Variants in ZNF680 observed in about 807,000 individuals in gnomAD.
The protein encoded by ZNF680 is hypothetical protein FLJ90430.
A neutral mutation model predicts 12.1 loss-of-function variants in ZNF680; 6 were observed. The observed-to-expected ratio is 0.49, with a 90% confidence interval of 0.27 to 0.98. The LOEUF is 0.98. Among genes scored for constraint, ZNF680 ranks in the 50% least tolerant of loss-of-function variants. The pLI is 0.12. For missense variants in ZNF680, 561 were observed against 616.3 expected (o/e 0.91, Z 0.95); for synonymous variants, 170 against 199.3 (o/e 0.85, Z 1.24).
the ZNF680 span, among the ~76,000 whole-genome samples, chr7:64,499,930 G>C: frequency 6.6e-6 from 1 of 152,164 alleles, no homozygotes; most frequent in East Asian, 1.9e-4. Flanking sequence ...CTGGGGGGCT[G>C]TGCCTGCAGC....
rs145006588 is a variant in ZNF680 at position 64,520,859 on chromosome 7, A to G, written c.*302T>C. The G allele has an allele frequency of 2.1e-4, 47 of 227,438 alleles. No homozygotes were observed. In the East Asian group the frequency reaches 4.7e-3, roughly 23 times the overall value. The allele number at this position is 227,438 out of a possible 1,614,324, so 14.1% of individuals were successfully genotyped here. On this transcript the variant is annotated 3_prime_UTR_variant, in exon 4 of 4. Transcript: ENST00000309683. ...GTTTTCTGAAATTTCTTTTGACAGT[A>G]ATTGCATTTATAATGCTTTTAATAA...
chr7:64,521,083 T>C lies in ZNF680; in HGVS notation c.*78A>G. The C allele has an allele frequency of 7.1e-7, 1 of 1,410,454 alleles. No homozygotes were observed. Among genetic ancestry groups the C allele is most frequent in the Non-Finnish European group, 9.6e-7 (1 of 1,040,430 alleles). 87.4% of individuals were successfully genotyped at this position (1,410,454 alleles called of 1,614,324 possible). On this transcript the variant is annotated 3_prime_UTR_variant, in exon 4 of 4. Coordinates refer to ENST00000309683, the MANE Select transcript of ZNF680 (RefSeq NM_178558.5). ...TCTTACCTACAAGCAAGTGTAACAA[T>C]CATTGGAAGGCTTTGTCAAATTCTT...
chr7:64,501,795 AT>A, the ZNF680 span: 1 of 684,160 alleles, frequency 1.5e-6, no homozygotes, highest in Non-Finnish European at 2.7e-6. Flanking sequence ...CTAAGATCAA[AT>A]TTTTTACCAG....
chr7:64,537,921 C>T (rs1786262613), intron 3 of ZNF680, among the ~76,000 whole-genome samples: 1 of 151,836 alleles, frequency 6.6e-6, no homozygotes, highest in Non-Finnish European at 1.5e-5. Flanking sequence ...CACAGCAAGA[C>T]TCCATCTCCA....
At chr7:64,544,074 T>C in intron 2 of ZNF680, 1 of 630,892 alleles carries the variant, frequency 1.6e-6, no homozygotes, top group Non-Finnish European at 2.5e-6. Context: ...TTTCTGTAAT[T>C]ACCACTAATC....
At chr7:64,532,739 T>G (rs1785954674) in intron 3 of ZNF680, among the ~76,000 whole-genome samples, 1 of 152,154 alleles carries the variant, frequency 6.6e-6, no homozygotes, top group Non-Finnish European at 1.5e-5. Flanking sequence ...AACTACAGAC[T>G]TATATCCCTG....
chr7:64,545,426 A>G (rs940378882), intron 1 of ZNF680, among the ~76,000 whole-genome samples: 1 of 152,314 alleles, frequency 6.6e-6, no homozygotes. Context: ...CATCAGCTGC[A>G]TAAAGATACT....
the ZNF680 span, chr7:64,501,811 T>A: frequency 1.6e-6 from 1 of 636,096 alleles, no homozygotes; most frequent in Non-Finnish European, 3.0e-6. Flanking sequence ...TACCAGATCT[T>A]CTTCTCTAGT....
the ZNF680 span, among the ~76,000 whole-genome samples, chr7:64,508,822 C>T: frequency 6.6e-6 from 1 of 152,174 alleles, no homozygotes; most frequent in South Asian, 2.1e-4. Context: ...TATACAATGT[C>T]GTGGATGTTT....
intron 1 of ZNF680, among the ~76,000 whole-genome samples, chr7:64,559,321 T>A (rs564986237): frequency 1.2e-4 from 18 of 152,270 alleles, no homozygotes; most frequent in African/African-American, 4.3e-4. Flanking sequence ...AGTTGGCAAC[T>A]TCTAGGAAAG....
At chr7:64,526,494 C>T in intron 3 of ZNF680, 1 of 968,714 alleles carries the variant, frequency 1.0e-6, no homozygotes, top group Non-Finnish European at 1.5e-6. Context: ...AGTTCAAGAT[C>T]AGCCTGAGCA....
intron 1 of ZNF680, among the ~76,000 whole-genome samples, chr7:64,558,731 C>T (rs1301303184): frequency 1.3e-5 from 2 of 150,150 alleles, no homozygotes; most frequent in African/African-American, 4.9e-5. Context: ...AAGGAGGAAG[C>T]ACCAACTATA....
At chr7:64,504,709 T>C in the ZNF680 span, among the ~76,000 whole-genome samples, 2 of 152,228 alleles carry the variant, frequency 1.3e-5, no homozygotes, top group African/African-American at 2.4e-5. Context: ...CAGAAAAAGG[T>C]GCCAAGAGGA....
chr7:64,546,415 C>T (rs897701637), intron 1 of ZNF680, among the ~76,000 whole-genome samples: 2 of 152,078 alleles, frequency 1.3e-5, no homozygotes, highest in East Asian at 3.9e-4. Context: ...AGAAGAGATT[C>T]GGGAACAATG....
rs183182844 is a variant in ZNF680 at position 64,542,358 on chromosome 7, C to T, written c.253+1349G>A. ...AATACTTTATTTTAACATAGAACTG[C>T]AAGTATGTGGCAGAAAAATTAGTCA... is the stretch of plus-strand genomic sequence containing the variant. On this transcript the variant is annotated intron_variant, in intron 3 of 3. Coordinates refer to ENST00000309683, the MANE Select transcript of ZNF680 (RefSeq NM_178558.5). 2.5e-4 allele frequency among the ~76,000 whole-genome samples: 38 copies of T among 152,214 alleles called. 1 individual carries two copies. The highest frequency in any genetic ancestry group is 2.3e-3 in the Admixed American group (35 of 15,276).
the ZNF680 span, among the ~76,000 whole-genome samples, chr7:64,505,743 AT>A: frequency 2.0e-5 from 3 of 146,574 alleles, no homozygotes; most frequent in African/African-American, 7.5e-5. Context: ...ATGAGAGGTG[AT>A]TTTTTTTCTT....
At chr7:64,562,294 G>T (rs1787791279) in intron 1 of ZNF680, among the ~76,000 whole-genome samples, 2 of 151,698 alleles carry the variant, frequency 1.3e-5, no homozygotes, top group Non-Finnish European at 2.9e-5. Context: ...TACATTGGGG[G>T]AAATAAAATT....
chr7:64,535,169 T>A (rs73130741), intron 3 of ZNF680, among the ~76,000 whole-genome samples: 34,279 of 151,830 alleles, frequency 0.23, 4,065 homozygotes, highest in South Asian at 0.28. Flanking sequence ...TAAAAGAGAA[T>A]TTGAGACCAG....
chr7:64,540,880 C>T (rs745404455), intron 3 of ZNF680, among the ~76,000 whole-genome samples: 20 of 151,798 alleles, frequency 1.3e-4, no homozygotes, highest in African/African-American at 2.9e-4. Context: ...CATTGGCATG[C>T]GCTGTGTTGC....
Sources: gnomAD v4.1 joint callset for allele counts (sites outside exome capture counted in the v4.1 genomes callset) on GRCh38, gnomAD v4.1.1 for gene constraint, MANE v1.5 for transcripts, NCBI Gene and HGNC (gene_info 2026-07-23, HGNC 2026-07-21) for gene names.